Variants in NTN4 observed in about 807,000 individuals in gnomAD.
NTN4 encodes netrin-4.
A neutral mutation model predicts 73.6 loss-of-function variants in NTN4; 32 were observed. The ratio of observed to expected loss-of-function variants is 0.44; its 90% confidence interval spans 0.33 to 0.58. The LOEUF (loss-of-function observed/expected upper bound fraction) is 0.58, where lower values mean the gene tolerates loss of function less well. NTN4 is among the 20% of genes least tolerant of loss of function. The pLI is 0.04. For synonymous variants in NTN4, 258 were observed against 287.5 expected, an observed-to-expected ratio of 0.90 and a Z score of 1.04; for missense variants, 654 against 798.3, an observed-to-expected ratio of 0.82 and a Z score of 2.18.
rs368285779 is a variant in NTN4, at chr12:95,659,118, C to T, written c.1855G>A (p.Val619Ile). The T allele has an allele frequency of 1.9e-6, 3 of 1,613,400 alleles. No homozygotes were observed. The African/African-American group carries it at 4.0e-5, about 22-fold the overall frequency. The change falls in exon 10 of 10, where the codon GTC becomes ATC. Residue 619 changes from valine to isoleucine, a missense_variant. By Grantham distance (29) the Val-to-Ile change is conservative. Transcript: ENST00000343702. Reference sequence around the variant, plus strand: ...CACTCTCTTTTTAAAATATCCATGACTTTTCTTCCAAGAGAAGGTTTCCAG... The same window carrying T: ...CACTCTCTTTTTAAAATATCCATGATTTTTCTTCCAAGAGAAGGTTTCCAG... ...QHWKPSLGRK[V>I]MDILKRECK
intron 5 of NTN4, among the ~76,000 whole-genome samples, chr12:95,683,952 C>T (rs2078340222): frequency 6.6e-6 from 1 of 152,134 alleles, no homozygotes; most frequent in Non-Finnish European, 1.5e-5. Context: ...ATATGGAAGG[C>T]ATGAAATATG....
intron 5 of NTN4, among the ~76,000 whole-genome samples, chr12:95,702,536 A>C (rs1353198120): frequency 6.6e-6 from 1 of 152,142 alleles, no homozygotes; most frequent in African/African-American, 2.4e-5. Context: ...GCTTTAGTGA[A>C]AGTTAAAAAA....
At chr12:95,695,143 G>T (rs549955052) in intron 5 of NTN4, among the ~76,000 whole-genome samples, 3 of 151,418 alleles carry the variant, frequency 2.0e-5, no homozygotes, top group African/African-American at 7.3e-5. Flanking sequence ...AAAAAATGAC[G>T]CTTGAATCAG....
chr12:95,709,287 T>C (rs1251330524), intron 5 of NTN4, among the ~76,000 whole-genome samples: 2 of 152,100 alleles, frequency 1.3e-5, no homozygotes, highest in East Asian at 1.9e-4. Flanking sequence ...TGATCATCAA[T>C]CTCCATTAAT....
At chr12:95,694,365 G>A (rs1016544992) in intron 5 of NTN4, among the ~76,000 whole-genome samples, 1 of 136,374 alleles carries the variant, frequency 7.3e-6, no homozygotes, top group African/African-American at 3.5e-5. Flanking sequence ...GCGCCTCCAG[G>A]CTCCCAACAT....
intron 2 of NTN4, among the ~76,000 whole-genome samples, chr12:95,746,222 C>G (rs1337856366): frequency 6.6e-6 from 1 of 152,210 alleles, no homozygotes; most frequent in African/African-American, 2.4e-5. Context: ...CGAGCAATAT[C>G]TGCAGTTCCC....
At chr12:95,735,938 TTTATTTATTTA>T (rs1288983361) in intron 3 of NTN4, among the ~76,000 whole-genome samples, 7 of 148,262 alleles carry the variant, frequency 4.7e-5, no homozygotes, top group African/African-American at 1.3e-4. Context: ...TATTTATTTA[TTTATTTATTTA>T]TTTTTTTGAG....
intron 2 of NTN4, among the ~76,000 whole-genome samples, chr12:95,785,914 G>C (rs1399563141): frequency 6.6e-6 from 1 of 152,128 alleles, no homozygotes; most frequent in Admixed American, 6.5e-5. Context: ...GTTGGGGATG[G>C]GGTGGGGAAC....
chr12:95,664,983 G>A (rs79042339), intron 9 of NTN4, among the ~76,000 whole-genome samples: 2,760 of 152,158 alleles, frequency 0.018, 87 homozygotes, highest in African/African-American at 0.063. Context: ...GCAGGGAGAT[G>A]CAGAGGATTT....
At chr12:95,724,809 CAT>C (rs1423514596) in intron 3 of NTN4, among the ~76,000 whole-genome samples, 5 of 152,142 alleles carry the variant, frequency 3.3e-5, no homozygotes, top group Non-Finnish European at 7.4e-5. Context: ...ACAGTAGCTA[CAT>C]AGTCATTCTA....
At chr12:95,674,727 TG>T (rs1157238318) in intron 7 of NTN4, among the ~76,000 whole-genome samples, 1 of 152,188 alleles carries the variant, frequency 6.6e-6, no homozygotes, top group Non-Finnish European at 1.5e-5. Context: ...TTAGAACACT[TG>T]TTGAAAAAGG....
intron 7 of NTN4, chr12:95,672,465 C>T (rs1440763520): frequency 1.3e-6 from 2 of 1,503,236 alleles, no homozygotes; most frequent in African/African-American, 1.4e-5. Flanking sequence ...AGTTTGACAT[C>T]TGCTTCACCT....
At chr12:95,672,638 G>A (rs2078242062) in intron 7 of NTN4, 7 of 1,517,958 alleles carry the variant, frequency 4.6e-6, no homozygotes, top group Middle Eastern at 2.0e-4. Flanking sequence ...TGAGGCCCAG[G>A]TGAAGATCTG....
At chr12:95,733,357 A>C (rs1425167315) in intron 3 of NTN4, among the ~76,000 whole-genome samples, 1 of 152,208 alleles carries the variant, frequency 6.6e-6, no homozygotes, top group Non-Finnish European at 1.5e-5. Context: ...CAGCCTTGTA[A>C]ACATGTCAAA....
intron 3 of NTN4, among the ~76,000 whole-genome samples, chr12:95,737,535 T>C (rs1410993442): frequency 6.6e-6 from 1 of 152,218 alleles, no homozygotes; most frequent in Non-Finnish European, 1.5e-5. Flanking sequence ...CCCCATTTAC[T>C]GTCAAAGCTG....
intron 3 of NTN4, among the ~76,000 whole-genome samples, chr12:95,714,215 T>C (rs962691159): frequency 1.3e-5 from 2 of 152,166 alleles, no homozygotes; most frequent in African/African-American, 4.8e-5. Context: ...CTTCTAAAAA[T>C]TAATGTTTGG....
chr12:95,780,417 T>G (rs2079123758), intron 2 of NTN4, among the ~76,000 whole-genome samples: 1 of 152,170 alleles, frequency 6.6e-6, no homozygotes, highest in Admixed American at 6.5e-5. Flanking sequence ...AAAGGGCTAA[T>G]ATCCAGAATC....
chr12:95,763,792 C>G (rs1312168452), intron 2 of NTN4, among the ~76,000 whole-genome samples: 3 of 152,018 alleles, frequency 2.0e-5, no homozygotes, highest in African/African-American at 7.3e-5. Flanking sequence ...TTTAAAAGAC[C>G]TAGAGTACTT....
chr12:95,710,462 A>C lies in NTN4; in HGVS notation c.1159T>G (p.Ser387Ala). 1 of 1,613,774 alleles carries C rather than the reference A, an allele frequency of 6.2e-7. No individual in the cohort carries two copies. The highest frequency in any genetic ancestry group is 8.5e-7 in the Non-Finnish European group (1 of 1,179,832). ...TTACGTTTGCAAGCATCTGGAGCTG[A>C]GAAGGGTCTCCGCAGGTCACGATAG... ...GFYRDLRRPFSAPDACKPCSC... is the reference protein window; with the variant it reads ...GFYRDLRRPFAAPDACKPCSC... Residue 387 changes from serine to alanine, a missense_variant, in exon 5 of 10, where the codon TCA (serine) becomes GCA (alanine). Physicochemically the swap from Ser to Ala is moderately conservative, Grantham distance 99 (BLOSUM62 1). Transcript: ENST00000343702.
Sources: gnomAD v4.1 joint callset for allele counts (sites outside exome capture counted in the v4.1 genomes callset) on GRCh38, gnomAD v4.1.1 for gene constraint, MANE v1.5 for transcripts, NCBI Gene and HGNC (gene_info 2026-07-23, HGNC 2026-07-21) for gene names.